Variants in ROBO1 observed in about 807,000 individuals in gnomAD.
ROBO1 encodes roundabout homolog 1.
ROBO1 carries 149 observed loss-of-function variants against 195.9 expected under a neutral mutation model. The ratio of observed to expected loss-of-function variants is 0.76; its 90% CI spans 0.67 to 0.87. ROBO1 has a LOEUF of 0.87. Ranked by LOEUF, ROBO1 falls within the 40% of genes least tolerant of loss-of-function variation. The probability of loss-of-function intolerance (pLI) is 0.00; values close to 1 mark genes in which losing one functional copy is unlikely to be tolerated. For synonymous variants in ROBO1, 816 were observed against 733.2 expected (o/e 1.11, Z -1.82); for missense variants, 1,933 against 2,068.3 (o/e 0.93, Z 1.27).
At chr3:79,288,627 C>A (rs2032041306) in intron 2 of ROBO1, among the ~76,000 whole-genome samples, 1 of 152,142 alleles carries the variant, frequency 6.6e-6, no homozygotes, top group Non-Finnish European at 1.5e-5. Flanking sequence ...GTTGAACAAT[C>A]AATCTTTCCT....
At chr3:79,639,484 G>T (rs943312167) in intron 1 of ROBO1, among the ~76,000 whole-genome samples, 1 of 151,900 alleles carries the variant, frequency 6.6e-6, no homozygotes, top group African/African-American at 2.4e-5. Flanking sequence ...AATACAACCA[G>T]GTTGGAAAAA....
At chr3:78,981,955 C>A (rs1374250468) in intron 3 of ROBO1, among the ~76,000 whole-genome samples, 2 of 152,064 alleles carry the variant, frequency 1.3e-5, no homozygotes, top group East Asian at 1.9e-4. Flanking sequence ...AGATTAACCA[C>A]CCAAGAAGAA....
chr3:79,079,229 C>T (rs956631789), intron 3 of ROBO1, among the ~76,000 whole-genome samples: 4 of 151,690 alleles, frequency 2.6e-5, no homozygotes, highest in Non-Finnish European at 5.9e-5. Flanking sequence ...AAAAAAATCA[C>T]GTTTTCTTTA....
intron 2 of ROBO1, among the ~76,000 whole-genome samples, chr3:79,156,996 G>A (rs2080870366): frequency 6.6e-6 from 1 of 151,762 alleles, no homozygotes; most frequent in South Asian, 2.1e-4. Context: ...CACTCTCATC[G>A]GGTGGGGAAG....
intron 2 of ROBO1, among the ~76,000 whole-genome samples, chr3:79,411,528 G>A (rs1055526419): frequency 2.0e-5 from 3 of 152,072 alleles, no homozygotes; most frequent in African/African-American, 7.2e-5. Context: ...AGGACAAAGT[G>A]CTAAGATGCA....
In ROBO1 at chr3:78,694,482, T is replaced by C. The variant is rs868280502; in HGVS notation, c.1046-5710A>G. Among the ~76,000 whole-genome samples the C allele has an allele frequency of 2.0e-5, 3 of 152,334 alleles. No individual in the cohort carries two copies. The South Asian group carries it at 6.2e-4, about 32-fold the overall frequency. Reference sequence around the variant, plus strand: ...AAAATTTAAAGGCAATTTAGAAACATTTTTAATTCATACGTTCCCTTCAAC... The same window carrying C: ...AAAATTTAAAGGCAATTTAGAAACACTTTTAATTCATACGTTCCCTTCAAC... On this transcript the variant is annotated intron_variant, in intron 8 of 30. Coordinates refer to ENST00000464233, the MANE Select transcript of ROBO1 (RefSeq NM_002941.4).
At chr3:79,359,469 A>G (rs1045280308) in intron 2 of ROBO1, among the ~76,000 whole-genome samples, 1 of 152,066 alleles carries the variant, frequency 6.6e-6, no homozygotes, top group Non-Finnish European at 1.5e-5. Context: ...CATACTTGGT[A>G]TCATATGTTG....
At chr3:79,549,750 C>A (rs1324851853) in intron 2 of ROBO1, among the ~76,000 whole-genome samples, 1 of 152,104 alleles carries the variant, frequency 6.6e-6, no homozygotes, top group Non-Finnish European at 1.5e-5. Flanking sequence ...TCCGTAGACA[C>A]AAAGGGATGA....
intron 1 of ROBO1, among the ~76,000 whole-genome samples, chr3:79,600,298 A>G (rs1268793599): frequency 6.6e-6 from 1 of 152,020 alleles, no homozygotes; most frequent in Non-Finnish European, 1.5e-5. Flanking sequence ...GATGAGTTAG[A>G]TTTATCTTAG....
chr3:78,785,727 C>T (rs1324771432), intron 4 of ROBO1, among the ~76,000 whole-genome samples: 1 of 152,102 alleles, frequency 6.6e-6, no homozygotes, highest in Admixed American at 6.6e-5. Context: ...TACATCTGTC[C>T]ACCGTACGTT....
chr3:79,502,583 C>T (rs1488313918), intron 2 of ROBO1, among the ~76,000 whole-genome samples: 1 of 152,188 alleles, frequency 6.6e-6, no homozygotes, highest in Non-Finnish European at 1.5e-5. Context: ...GTCCCATCCA[C>T]TGCCCAAGGG....
At chr3:79,551,980 T>TAAAAAAAAAAAA (rs771824432) in intron 2 of ROBO1, among the ~76,000 whole-genome samples, 3 of 44,262 alleles carry the variant, frequency 6.8e-5, no homozygotes, top group African/African-American at 1.8e-4. Context: ...TCTACAGAGT[T>TAAAAAAAAAAAA]AAAAAAAAAA....
chr3:78,704,855 T>C (rs559626945), intron 8 of ROBO1, among the ~76,000 whole-genome samples: 2 of 152,028 alleles, frequency 1.3e-5, no homozygotes, highest in Non-Finnish European at 2.9e-5. Context: ...AAAACAGTCA[T>C]ACATTCACAC....
chr3:79,588,000 G>A (rs968024633), intron 2 of ROBO1, among the ~76,000 whole-genome samples: 4 of 151,648 alleles, frequency 2.6e-5, no homozygotes, highest in Admixed American at 1.3e-4. Flanking sequence ...CTAACTGTAT[G>A]CATCCCATTT....
intron 2 of ROBO1, among the ~76,000 whole-genome samples, chr3:79,451,428 T>C (rs187697852): frequency 2.0e-5 from 3 of 152,200 alleles, no homozygotes; most frequent in Admixed American, 1.3e-4. Flanking sequence ...CCTTACCCCC[T>C]GTAGGTGAAG....
At chr3:78,897,972 CAG>C (rs1473293344) in intron 4 of ROBO1, among the ~76,000 whole-genome samples, 2 of 151,570 alleles carry the variant, frequency 1.3e-5, no homozygotes, top group Non-Finnish European at 2.9e-5. Flanking sequence ...AAAAAAAACC[CAG>C]AGTGCTTATT....
intron 2 of ROBO1, among the ~76,000 whole-genome samples, chr3:79,503,050 C>T (rs62257608): frequency 0.3 from 46,036 of 152,014 alleles, 7,253 homozygotes; most frequent in Non-Finnish European, 0.35. Flanking sequence ...CCTCTCAGGT[C>T]TCTTTCCACA....
At chr3:79,027,208 A>G (rs1020054977) in intron 3 of ROBO1, among the ~76,000 whole-genome samples, 2 of 152,034 alleles carry the variant, frequency 1.3e-5, no homozygotes, top group Admixed American at 6.6e-5. Context: ...TCATTTAAAA[A>G]CCATCTTGAA....
At chr3:79,078,163 T>C (rs768075881) in intron 3 of ROBO1, among the ~76,000 whole-genome samples, 3 of 151,856 alleles carry the variant, frequency 2.0e-5, no homozygotes, top group Non-Finnish European at 4.4e-5. Context: ...ATAATCAGCT[T>C]GTATTATACA....
Sources: gnomAD v4.1 joint callset for allele counts (sites outside exome capture counted in the v4.1 genomes callset) on GRCh38, gnomAD v4.1.1 for gene constraint, MANE v1.5 for transcripts, NCBI Gene and HGNC (gene_info 2026-07-23, HGNC 2026-07-21) for gene names.